The following ERC2 variants were observed in gnomAD, a reference collection of about 807,000 sequenced individuals.
The protein encoded by ERC2 is ELKS/RAB6-interacting/CAST family member 2.
In ERC2, 42 loss-of-function variants were observed where a neutral mutation model predicts 114.8. The observed-to-expected ratio is 0.37, with a 90% CI of 0.29 to 0.47. The LOEUF (loss-of-function observed/expected upper bound fraction) is 0.47, where lower values mean the gene tolerates loss of function less well. ERC2 is among the 20% of genes least tolerant of loss of function. ERC2 has a pLI of 0.99. For missense variants in ERC2, 939 were observed against 1,150.7 expected, an observed-to-expected ratio of 0.82 and a Z score of 2.66; for synonymous variants, 454 against 425.5, an observed-to-expected ratio of 1.07 and a Z score of -0.82.
At chr3:55,981,503 A>C (rs1316691894) in intron 12 of ERC2, among the ~76,000 whole-genome samples, 1 of 152,126 alleles carries the variant, frequency 6.6e-6, no homozygotes, top group Non-Finnish European at 1.5e-5. Flanking sequence ...TGGTGAGGGG[A>C]GGGATCATGT....
chr3:56,357,113 A>G (rs919670880), intron 2 of ERC2, among the ~76,000 whole-genome samples: 1 of 152,210 alleles, frequency 6.6e-6, no homozygotes, highest in Non-Finnish European at 1.5e-5. Context: ...AAAAGCAGCC[A>G]TGCTTCTATA....
chr3:56,308,794 GTT>G (rs34188866), intron 2 of ERC2, among the ~76,000 whole-genome samples: 1 of 149,602 alleles, frequency 6.7e-6, no homozygotes, highest in Non-Finnish European at 1.5e-5. Flanking sequence ...AAGTCGTGAA[GTT>G]TTTTTTTTTA....
intron 2 of ERC2, among the ~76,000 whole-genome samples, chr3:56,363,863 A>G (rs923445547): frequency 6.8e-6 from 1 of 148,022 alleles, no homozygotes; most frequent in Non-Finnish European, 1.5e-5. Context: ...GGGAAAAAGA[A>G]AGGGAAAGGG....
chr3:56,000,087 CA>C (rs1294828625), intron 10 of ERC2, among the ~76,000 whole-genome samples: 1 of 151,774 alleles, frequency 6.6e-6, no homozygotes, highest in Non-Finnish European at 1.5e-5. Flanking sequence ...ACTTCATATT[CA>C]ATAAAATAGT....
intron 17 of ERC2, among the ~76,000 whole-genome samples, chr3:55,602,660 G>A (rs930366700): frequency 6.6e-6 from 1 of 152,106 alleles, no homozygotes; most frequent in African/African-American, 2.4e-5. Flanking sequence ...GGGACATGAT[G>A]CCAGCTCCCC....
At chr3:55,946,444 G>T (rs2067134428) in intron 13 of ERC2, among the ~76,000 whole-genome samples, 1 of 152,036 alleles carries the variant, frequency 6.6e-6, no homozygotes, top group African/African-American at 2.4e-5. Context: ...GTGTAAAATA[G>T]TTGCAAAGAA....
intron 4 of ERC2, among the ~76,000 whole-genome samples, chr3:56,171,974 AAAACAAAAAAC>A (rs1284447708): frequency 6.7e-6 from 1 of 148,804 alleles, no homozygotes; most frequent in Non-Finnish European, 1.5e-5. Context: ...ACCCTTTGCA[AAAACAAAAAAC>A]AAAAAAAAAA....
intron 12 of ERC2, among the ~76,000 whole-genome samples, chr3:55,977,642 T>TG (rs1559963469): frequency 6.6e-6 from 1 of 152,188 alleles, no homozygotes; most frequent in Non-Finnish European, 1.5e-5. Context: ...GGTCTGTAAA[T>TG]GGTTTAGCCT....
At chr3:55,849,296 G>A (rs1219571090) in intron 14 of ERC2, among the ~76,000 whole-genome samples, 1 of 152,158 alleles carries the variant, frequency 6.6e-6, no homozygotes, top group Non-Finnish European at 1.5e-5. Context: ...CATGTAGGAA[G>A]TGCTGACTCC....
In ERC2 at chr3:56,042,456, G is replaced by A. The variant is rs562877279; in HGVS notation, c.1642-23425C>T. 1.1e-4 allele frequency among the ~76,000 whole-genome samples: 17 copies of A among 152,252 alleles called. No homozygotes were observed. In the South Asian group the frequency reaches 3.5e-3, roughly 32 times the overall value. On this transcript the variant is annotated intron_variant, in intron 7 of 17. Coordinates refer to ENST00000288221, the MANE Select transcript of ERC2 (RefSeq NM_015576.3). The stretch of plus-strand genomic sequence containing the variant: ...CCTCAACTGAAAACAAAGTGAACCA[G>A]CCGTTTAAAACACTGGATAAGGCTT...
At position 55,699,663 on chromosome 3, in the gene ERC2, C is replaced by T. The variant is rs1559517304; in HGVS notation, c.2713-151G>A. 7.1e-5 allele frequency: 60 copies of T among 844,274 alleles called. No individual in the cohort carries two copies. In the East Asian group the frequency reaches 1.4e-3, roughly 19 times the overall value. The allele number at this position is 844,274 out of a possible 1,614,324, so 52.3% of individuals were successfully genotyped here. On this transcript the variant is annotated intron_variant, in intron 15 of 17. Transcript: ENST00000288221. ...TCAAGTTGAAACTTAATAAAGAAAG[C>T]ACCATGACATTAACTTTGGTGAAAA...
At chr3:56,464,596 T>C (rs181333899) in intron 1 of ERC2, among the ~76,000 whole-genome samples, 24 of 152,386 alleles carry the variant, frequency 1.6e-4, no homozygotes, top group South Asian at 1.4e-3. Flanking sequence ...ATTCATTTTG[T>C]TCCTTTTCTT....
At chr3:55,954,961 A>G (rs1022771671) in intron 12 of ERC2, among the ~76,000 whole-genome samples, 30 of 152,184 alleles carry the variant, frequency 2.0e-4, no homozygotes, top group Non-Finnish European at 4.0e-4. Context: ...TATATTCATA[A>G]TATAAAATCA....
intron 2 of ERC2, among the ~76,000 whole-genome samples, chr3:56,305,512 C>CACACACACACA (rs2056162094): frequency 5.5e-5 from 8 of 144,440 alleles, no homozygotes; most frequent in African/African-American, 1.8e-4. Context: ...ACTCTCTTAT[C>CACACACACACA]CACACACACA....
chr3:56,414,489 G>A (rs543791762), intron 2 of ERC2, among the ~76,000 whole-genome samples: 1 of 152,194 alleles, frequency 6.6e-6, no homozygotes, highest in East Asian at 1.9e-4. Flanking sequence ...TTGGGAGGCC[G>A]AGGTAGGTGG....
chr3:55,797,286 C>T (rs909921997), intron 14 of ERC2, among the ~76,000 whole-genome samples: 4 of 152,052 alleles, frequency 2.6e-5, no homozygotes, highest in Admixed American at 6.6e-5. Context: ...GAATGGTATG[C>T]TGAAAGCCCA....
chr3:56,392,924 T>C (rs993505009), intron 2 of ERC2, among the ~76,000 whole-genome samples: 1 of 152,164 alleles, frequency 6.6e-6, no homozygotes. Flanking sequence ...CCACCCTCCA[T>C]GATCTCACCT....
chr3:56,070,594 A>G (rs2076691001), intron 7 of ERC2, among the ~76,000 whole-genome samples: 1 of 152,170 alleles, frequency 6.6e-6, no homozygotes, highest in East Asian at 1.9e-4. Context: ...TTGAACGAGA[A>G]TCAATTCTCA....
chr3:55,869,110 G>T (rs1291417148), intron 14 of ERC2, among the ~76,000 whole-genome samples: 1 of 152,284 alleles, frequency 6.6e-6, no homozygotes, highest in African/African-American at 2.4e-5. Flanking sequence ...CAATGTGAAT[G>T]TAAACAATGT....
Sources: gnomAD v4.1 joint callset for allele counts (sites outside exome capture counted in the v4.1 genomes callset) on GRCh38, gnomAD v4.1.1 for gene constraint, MANE v1.5 for transcripts, NCBI Gene and HGNC (gene_info 2026-07-23, HGNC 2026-07-21) for gene names.